The following ELAVL4 variants were observed in gnomAD, a reference collection of about 807,000 sequenced individuals.
ELAVL4 encodes ELAV-like protein 4.
A neutral mutation model predicts 35.6 loss-of-function variants in ELAVL4; 1 was observed. The observed-to-expected ratio is 0.03, with a 90% CI of 0.01 to 0.13. The LOEUF is 0.13. Among genes scored for constraint, ELAVL4 ranks in the 10% least tolerant of loss-of-function variants. ELAVL4 has a pLI of 1.00. For synonymous variants in ELAVL4, 156 were observed against 171.0 expected, an observed-to-expected ratio of 0.91 and a Z score of 0.69; for missense variants, 267 against 464.9, an observed-to-expected ratio of 0.57 and a Z score of 3.91.
chr1:50,119,820 A>T (rs1668716399), intron 1 of ELAVL4, among the ~76,000 whole-genome samples: 1 of 151,872 alleles, frequency 6.6e-6, no homozygotes, highest in South Asian at 2.1e-4. Context: ...TCAGCCTTGT[A>T]TAATTTTTGC....
At chr1:50,161,718 G>T (rs1377511015) in intron 2 of ELAVL4, among the ~76,000 whole-genome samples, 1 of 152,140 alleles carries the variant, frequency 6.6e-6, no homozygotes, top group Non-Finnish European at 1.5e-5. Flanking sequence ...GAAATAGTTG[G>T]TTGGCCTTTC....
At chr1:50,090,266 C>T (rs1441828744) in intron 1 of ELAVL4, among the ~76,000 whole-genome samples, 1 of 152,096 alleles carries the variant, frequency 6.6e-6, no homozygotes. Context: ...AAGACTAGTC[C>T]TTGAAAAAAT....
chr1:50,148,941 C>T (rs1417326482), intron 2 of ELAVL4, among the ~76,000 whole-genome samples: 2 of 152,150 alleles, frequency 1.3e-5, no homozygotes, highest in Non-Finnish European at 2.9e-5. Flanking sequence ...GGGGAGAAAA[C>T]ATGTGGCTTG....
intron 1 of ELAVL4, among the ~76,000 whole-genome samples, chr1:50,096,353 T>C (rs1418984119): frequency 1.3e-5 from 2 of 149,740 alleles, no homozygotes. Context: ...TTAGTGAGGC[T>C]GAGGCCTTGA....
At chr1:50,051,869 A>G (rs758361541) in intron 1 of ELAVL4, among the ~76,000 whole-genome samples, 8 of 152,220 alleles carry the variant, frequency 5.3e-5, no homozygotes, top group South Asian at 2.1e-4. Context: ...TCTGGAGGCT[A>G]GAAGTTCAAG....
chr1:50,144,679 A>G (rs1673376546), intron 1 of ELAVL4: 2 of 608,378 alleles, frequency 3.3e-6, no homozygotes, highest in Non-Finnish European at 3.1e-6. Context: ...TTGTGTAATG[A>G]AAACAGGAAT....
chr1:50,070,740 C>CAAA lies in ELAVL4; in HGVS notation c.18+22576_18+22578dup, dbSNP rs34633476. 1.9e-3 allele frequency among the ~76,000 whole-genome samples: 143 copies of CAAA among 77,090 alleles called. 3 individuals are homozygous for CAAA. The highest frequency in any genetic ancestry group is 9.1e-3 in the South Asian group (20 of 2,196). The allele number at this position is 77,090 out of a possible 152,430, so 50.6% of individuals were successfully genotyped here. ...TGGGTGACAGAGTGAGACTCCATCT[C>CAAA]AAAAAAAAAAAAAAAAAAAAGCCAC... is the stretch of plus-strand genomic sequence containing the variant. On this transcript the variant is annotated intron_variant, in intron 1 of 6. Coordinates refer to the ELAVL4 transcript ENST00000448907.
In ELAVL4 at chr1:50,178,892, T is replaced by C. The variant is rs891697893; in HGVS notation, c.354+1700T>C. On this transcript the variant is annotated intron_variant, in intron 3 of 6. Transcript: ENST00000371824. Reference sequence around the variant, plus strand: ...TGACCTTGAACTGAAAAAGGTACTTTTCTTTACAGTTTTCTTGAAACCCCA... The same window carrying C: ...TGACCTTGAACTGAAAAAGGTACTTCTCTTTACAGTTTTCTTGAAACCCCA... Among the ~76,000 whole-genome samples, 5 of 152,160 alleles carry C rather than the reference T, an allele frequency of 3.3e-5. No individual in the cohort carries two copies. In the South Asian group the frequency reaches 1.0e-3, roughly 32 times the overall value.
intron 1 of ELAVL4, among the ~76,000 whole-genome samples, chr1:50,122,288 T>C (rs1009365793): frequency 3.3e-5 from 5 of 152,106 alleles, no homozygotes; most frequent in Non-Finnish European, 7.4e-5. Context: ...CTGCCCTTTG[T>C]ATTTTACTAT....
chr1:50,113,232 G>C (rs1347245430), intron 1 of ELAVL4, among the ~76,000 whole-genome samples: 4 of 147,224 alleles, frequency 2.7e-5, no homozygotes, highest in Non-Finnish European at 6.0e-5. Flanking sequence ...TTTTTTTTTT[G>C]GTTTGATTTC....
chr1:50,070,349 A>C (rs1664454645), intron 1 of ELAVL4, among the ~76,000 whole-genome samples: 1 of 152,182 alleles, frequency 6.6e-6, no homozygotes, highest in Non-Finnish European at 1.5e-5. Flanking sequence ...TATTGGGGAT[A>C]GGGAGAATGG....
At chr1:50,186,526 T>C (rs1681850080) in intron 3 of ELAVL4, among the ~76,000 whole-genome samples, 1 of 152,102 alleles carries the variant, frequency 6.6e-6, no homozygotes, top group Admixed American at 6.5e-5. Flanking sequence ...GGAGAGTCAT[T>C]TGTGCCTGGG....
intron 1 of ELAVL4, among the ~76,000 whole-genome samples, chr1:50,052,550 G>A (rs1158345254): frequency 2.0e-5 from 3 of 152,176 alleles, no homozygotes; most frequent in Admixed American, 1.3e-4. Context: ...TTACCACTTT[G>A]ATACTTTCAT....
At chr1:50,194,552 G>A (rs1406291128) in intron 4 of ELAVL4, among the ~76,000 whole-genome samples, 1 of 152,162 alleles carries the variant, frequency 6.6e-6, no homozygotes, top group Non-Finnish European at 1.5e-5. Flanking sequence ...CTCACCCCCT[G>A]AGAATAGTTT....
chr1:50,173,907 C>T (rs1679494626), intron 2 of ELAVL4, among the ~76,000 whole-genome samples: 1 of 152,162 alleles, frequency 6.6e-6, no homozygotes. Flanking sequence ...TAGCTCTGGG[C>T]TCCAGACTGG....
chr1:50,134,964 G>T (rs1671633965), intron 1 of ELAVL4, among the ~76,000 whole-genome samples: 1 of 152,170 alleles, frequency 6.6e-6, no homozygotes, highest in Admixed American at 6.6e-5. Flanking sequence ...GGTGTGATGT[G>T]TCTGGGGAAG....
At chr1:50,178,364 T>C (rs944850173) in intron 3 of ELAVL4, among the ~76,000 whole-genome samples, 1 of 152,248 alleles carries the variant, frequency 6.6e-6, no homozygotes, top group South Asian at 2.1e-4. Context: ...TCCAGCCTGA[T>C]AGAGGAGACT....
At chr1:50,075,862 C>G (rs1241876624) in intron 1 of ELAVL4, among the ~76,000 whole-genome samples, 4 of 152,036 alleles carry the variant, frequency 2.6e-5, no homozygotes, top group Non-Finnish European at 5.9e-5. Flanking sequence ...GAGTCTCACT[C>G]TGTCACCCAG....
chr1:50,173,018 T>G (rs879576478), intron 2 of ELAVL4, among the ~76,000 whole-genome samples: 1 of 152,176 alleles, frequency 6.6e-6, no homozygotes, highest in Non-Finnish European at 1.5e-5. Flanking sequence ...GGGTACCCCC[T>G]CTTTTCCCCC....
Sources: gnomAD v4.1 joint callset for allele counts (sites outside exome capture counted in the v4.1 genomes callset) on GRCh38, gnomAD v4.1.1 for gene constraint, MANE v1.5 for transcripts, NCBI Gene and HGNC (gene_info 2026-07-23, HGNC 2026-07-21) for gene names.